Variants in PGGT1B observed in about 807,000 individuals in gnomAD.
PGGT1B encodes the protein protein geranylgeranyltransferase type I subunit beta, also known as geranylgeranyl transferase type-1 subunit beta.
In PGGT1B, 30 loss-of-function variants were observed where a neutral mutation model predicts 46.1. That is an observed-to-expected ratio of 0.65 (90% confidence interval 0.49 to 0.88). The LOEUF is 0.88. Ranked by LOEUF, PGGT1B falls within the 40% of genes least tolerant of loss-of-function variation. PGGT1B has a pLI of 0.00. For missense variants in PGGT1B, 376 were observed against 455.9 expected (o/e 0.82, Z 1.60); for synonymous variants, 170 against 160.0 (o/e 1.06, Z -0.47).
At chr5:115,218,734 T>C (rs1756500034) in intron 7 of PGGT1B, among the ~76,000 whole-genome samples, 1 of 151,824 alleles carries the variant, frequency 6.6e-6, no homozygotes, top group African/African-American at 2.4e-5. Context: ...CTTAATGCCA[T>C]AATTGATTTA....
At chr5:115,212,731 C>A in intron 8 of PGGT1B, 148 bp from the exon 9 acceptor site, 2 of 521,980 alleles carry the variant, frequency 3.8e-6, no homozygotes, top group South Asian at 6.7e-5. Flanking sequence ...TTTGCTTTCT[C>A]AAAGCCTCAA....
intron 4 of PGGT1B, among the ~76,000 whole-genome samples, chr5:115,237,092 A>G (rs2127011065): frequency 1.3e-5 from 2 of 152,372 alleles, no homozygotes; most frequent in South Asian, 4.1e-4. Flanking sequence ...ATATTGAGAC[A>G]TAAGTCATAT....
intron 6 of PGGT1B, among the ~76,000 whole-genome samples, chr5:115,227,781 TCTGA>T (rs1283873490): frequency 1.3e-5 from 2 of 152,196 alleles, no homozygotes; most frequent in Admixed American, 6.5e-5. Context: ...CTCTCTGAGT[TCTGA>T]CTAAGACAAA....
intron 7 of PGGT1B, among the ~76,000 whole-genome samples, chr5:115,219,370 T>G (rs766902046): frequency 1.3e-5 from 2 of 151,860 alleles, no homozygotes; most frequent in African/African-American, 4.8e-5. Context: ...TTTCAACAAA[T>G]GGTGCTAGGA....
chr5:115,241,063 T>G (rs1757331555), intron 3 of PGGT1B, among the ~76,000 whole-genome samples: 1 of 152,216 alleles, frequency 6.6e-6, no homozygotes, highest in Non-Finnish European at 1.5e-5. Flanking sequence ...GTCATTAAAA[T>G]AATCACTACC....
At chr5:115,217,029 G>C (rs994090455) in intron 7 of PGGT1B, 56 bp from the exon 8 acceptor site, 2 of 800,702 alleles carry the variant, frequency 2.5e-6, no homozygotes, top group East Asian at 5.1e-5. Context: ...TCAACCTTTG[G>C]CTCAAATTTC....
intron 7 of PGGT1B, among the ~76,000 whole-genome samples, chr5:115,220,697 T>C (rs1483661266): frequency 6.6e-6 from 1 of 151,926 alleles, no homozygotes; most frequent in African/African-American, 2.4e-5. Context: ...GAAATATACG[T>C]GATACAACAG....
intron 2 of PGGT1B, among the ~76,000 whole-genome samples, chr5:115,244,240 C>A (rs1372615439): frequency 1.3e-5 from 2 of 151,434 alleles, no homozygotes; most frequent in African/African-American, 4.9e-5. Flanking sequence ...CCGAGACGGG[C>A]GGATCACGAG....
At chr5:115,220,290 T>C (rs1289154723) in intron 7 of PGGT1B, among the ~76,000 whole-genome samples, 2 of 151,898 alleles carry the variant, frequency 1.3e-5, no homozygotes, top group African/African-American at 4.8e-5. Context: ...TAAATTTTGA[T>C]ATATGCCATG....
chr5:115,257,375 G>A (rs1459189380), intron 1 of PGGT1B, among the ~76,000 whole-genome samples: 8 of 151,774 alleles, frequency 5.3e-5, no homozygotes, highest in African/African-American at 9.7e-5. Context: ...TCAGCTAGGC[G>A]TGGTGGTGGG....
chr5:115,228,739 C>A (rs1214415673), intron 6 of PGGT1B, among the ~76,000 whole-genome samples: 1 of 151,680 alleles, frequency 6.6e-6, no homozygotes, highest in Non-Finnish European at 1.5e-5. Context: ...GGTGAAGGAA[C>A]CAGAACTAAT....
intron 5 of PGGT1B, 66 bp from the exon 6 acceptor site, chr5:115,231,087 T>G (rs1247544269): frequency 3.6e-6 from 3 of 838,668 alleles, no homozygotes; most frequent in Non-Finnish European, 5.4e-6. Context: ...AATAAATAAG[T>G]TGCCAATGAA....
intron 2 of PGGT1B, among the ~76,000 whole-genome samples, chr5:115,247,271 G>T (rs942482463): frequency 2.6e-5 from 4 of 152,006 alleles, no homozygotes; most frequent in Non-Finnish European, 5.9e-5. Flanking sequence ...TTTTAATCAG[G>T]GGAGTTGCTT....
At chr5:115,258,312 CCCT>C (rs1005482504) in intron 1 of PGGT1B, among the ~76,000 whole-genome samples, 1 of 152,144 alleles carries the variant, frequency 6.6e-6, no homozygotes, top group African/African-American at 2.4e-5. Flanking sequence ...TTTCTTCATC[CCCT>C]CTTTTCTAGC....
At chr5:115,230,773 G>A (rs941579990) in intron 6 of PGGT1B, among the ~76,000 whole-genome samples, 2 of 152,032 alleles carry the variant, frequency 1.3e-5, no homozygotes, top group Non-Finnish European at 2.9e-5. Flanking sequence ...ATCCCAGCCT[G>A]AATAACACCT....
chr5:115,224,861 T>C (rs1580751468), intron 6 of PGGT1B, among the ~76,000 whole-genome samples: 1 of 148,036 alleles, frequency 6.8e-6, no homozygotes, highest in Non-Finnish European at 1.5e-5. Context: ...AGTAGTAGTA[T>C]GTTAGAAGAG....
chr5:115,253,926 T>C (rs530704447), intron 1 of PGGT1B, among the ~76,000 whole-genome samples: 2 of 152,156 alleles, frequency 1.3e-5, no homozygotes, highest in South Asian at 2.1e-4. Flanking sequence ...ATCTTACCGA[T>C]GGCTTTGAAC....
intron 6 of PGGT1B, among the ~76,000 whole-genome samples, chr5:115,223,997 C>T (rs1387946432): frequency 6.6e-6 from 1 of 152,092 alleles, no homozygotes; most frequent in African/African-American, 2.4e-5. Flanking sequence ...GTGAGCATTC[C>T]CTCTAGAAAA....
At chr5:115,258,475 A>C (rs538839833) in intron 1 of PGGT1B, among the ~76,000 whole-genome samples, 13 of 152,330 alleles carry the variant, frequency 8.5e-5, no homozygotes, top group African/African-American at 2.9e-4. Flanking sequence ...GTTTCTAGAC[A>C]AGCACACAAA....
Sources: gnomAD v4.1 joint callset for allele counts (sites outside exome capture counted in the v4.1 genomes callset) on GRCh38, gnomAD v4.1.1 for gene constraint, MANE v1.5 for transcripts, NCBI Gene and HGNC (gene_info 2026-07-23, HGNC 2026-07-21) for gene names.